The following ITPR2 variants were observed in gnomAD, a reference collection of about 807,000 sequenced individuals.
ITPR2 encodes the protein inositol 1,4,5-trisphosphate receptor type 2.
ITPR2 carries 207 observed loss-of-function variants against 317.1 expected under a neutral mutation model. That is an observed-to-expected ratio of 0.65 (90% CI 0.58 to 0.73). The LOEUF (loss-of-function observed/expected upper bound fraction) is 0.73, where lower values mean the gene tolerates loss of function less well. Ranked by LOEUF, ITPR2 falls within the 30% of genes least tolerant of loss-of-function variation. The pLI, the probability that ITPR2 is intolerant of heterozygous loss-of-function variation, is 0.00. For missense variants in ITPR2, 2,613 were observed against 3,284.0 expected (o/e 0.80, Z 4.99); for synonymous variants, 1,156 against 1,149.1 (o/e 1.01, Z -0.12).
At chr12:26,448,033 C>G (rs1303415183) in intron 45 of ITPR2, among the ~76,000 whole-genome samples, 3 of 147,952 alleles carry the variant, frequency 2.0e-5, no homozygotes, top group African/African-American at 7.5e-5. Context: ...TCCAAAGCAG[C>G]AATCACACCA....
At chr12:26,608,524 C>G (rs1946190522) in intron 26 of ITPR2, among the ~76,000 whole-genome samples, 1 of 151,504 alleles carries the variant, frequency 6.6e-6, no homozygotes, top group South Asian at 2.1e-4. Context: ...CTCTGCTTGG[C>G]CGCCCCACTC....
intron 22 of ITPR2, among the ~76,000 whole-genome samples, chr12:26,630,043 A>C (rs961781462): frequency 1.3e-5 from 2 of 152,218 alleles, no homozygotes; most frequent in African/African-American, 4.8e-5. Flanking sequence ...TTTGCAGGGC[A>C]GGAGACAGCT....
intron 2 of ITPR2, among the ~76,000 whole-genome samples, chr12:26,728,727 T>C (rs547281292): frequency 6.6e-6 from 1 of 152,326 alleles, no homozygotes; most frequent in African/African-American, 2.4e-5. Flanking sequence ...CTGCCACACC[T>C]AATTCACAGG....
chr12:26,549,465 C>CCTT (rs1431467217), intron 37 of ITPR2, among the ~76,000 whole-genome samples: 1 of 152,006 alleles, frequency 6.6e-6, no homozygotes, highest in African/African-American at 2.4e-5. Flanking sequence ...TACATAAAAT[C>CCTT]CTTCCAGTTT....
In ITPR2 at chr12:26,494,077, T is replaced by G. The variant is rs561134112; in HGVS notation, c.5370+76A>C. 2.4e-5 allele frequency: 28 copies of G among 1,184,214 alleles called. No individual in the cohort carries two copies. In the South Asian group the frequency reaches 4.7e-4, roughly 20 times the overall value. 73.4% of individuals were successfully genotyped at this position (1,184,214 alleles called of 1,614,324 possible). A position where few individuals can be genotyped will look rare whatever the true frequency, so the allele number is the denominator to read the frequency against. On this transcript the variant is annotated intron_variant, in intron 39 of 56. Coordinates refer to ENST00000381340, the MANE Select transcript of ITPR2 (RefSeq NM_002223.4). The stretch of plus-strand genomic sequence containing the variant: ...ATAAGAGCTAAAAGAAACACATTAC[T>G]TTTCCTTGGTTTCTGTGACAAGTAA...
intron 50 of ITPR2, among the ~76,000 whole-genome samples, chr12:26,416,693 G>A (rs1940731447): frequency 6.6e-6 from 1 of 152,186 alleles, no homozygotes; most frequent in Non-Finnish European, 1.5e-5. Context: ...CCTCCTGGAA[G>A]GAGCAGCCAG....
In ITPR2 at chr12:26,483,692, G is replaced by C. The variant is rs758315414; in HGVS notation, c.6012+6C>G. 1 of 1,608,342 alleles carries C rather than the reference G, an allele frequency of 6.2e-7. No homozygotes were observed. Among genetic ancestry groups the C allele is most frequent in the East Asian group, 2.2e-5 (1 of 44,874 alleles). On this transcript the variant is annotated splice_donor_region_variant and intron_variant, in intron 42 of 56. Transcript: ENST00000381340. ...TTACTAATTAGTCATGGATACTTCTGGTTACCTGATTTTCATGGCAAGGGC... is the reference window on the plus strand; with the variant it reads ...TTACTAATTAGTCATGGATACTTCTCGTTACCTGATTTTCATGGCAAGGGC...
chr12:26,387,956 C>T (rs995966945), intron 54 of ITPR2, among the ~76,000 whole-genome samples: 1 of 151,760 alleles, frequency 6.6e-6, no homozygotes, highest in African/African-American at 2.4e-5. Flanking sequence ...AAAAGGTATG[C>T]TTGCTAATCA....
At chr12:26,701,193 T>G (rs1258591836) in intron 9 of ITPR2, among the ~76,000 whole-genome samples, 2 of 152,196 alleles carry the variant, frequency 1.3e-5, no homozygotes, top group Admixed American at 1.3e-4. Flanking sequence ...AAGTCATGCT[T>G]GTACCGCAAT....
chr12:26,349,331 G>A (rs549192949), intron 55 of ITPR2, among the ~76,000 whole-genome samples: 39 of 152,308 alleles, frequency 2.6e-4, no homozygotes, highest in Non-Finnish European at 4.7e-4. Context: ...CCTTCTTTCT[G>A]TGTCTCCCTG....
At chr12:26,585,153 A>T (rs1376854834) in intron 32 of ITPR2, among the ~76,000 whole-genome samples, 1 of 152,198 alleles carries the variant, frequency 6.6e-6, no homozygotes, top group East Asian at 1.9e-4. Flanking sequence ...TATAATTCAG[A>T]TAAGACTATG....
At chr12:26,585,749 G>A (rs1945510550) in intron 32 of ITPR2, among the ~76,000 whole-genome samples, 1 of 152,014 alleles carries the variant, frequency 6.6e-6, no homozygotes. Flanking sequence ...ATTTTTGGAG[G>A]GTAAATTACT....
intron 50 of ITPR2, among the ~76,000 whole-genome samples, 157 bp downstream of exon 50, chr12:26,418,892 A>G (rs762972862): frequency 3.0e-4 from 45 of 152,174 alleles, no homozygotes; most frequent in Non-Finnish European, 1.6e-4. Flanking sequence ...ATTACAAATG[A>G]TAATAATTCA....
At position 26,338,112 on chromosome 12, in the gene ITPR2, T is replaced by C. The variant is rs1565477236; in HGVS notation, c.*1285A>G. The C allele has an allele frequency of 6.6e-6, 1 of 152,178 alleles. No homozygotes were observed. The highest frequency in any genetic ancestry group is 1.5e-5 in the Non-Finnish European group (1 of 68,042). The allele number at this position is 152,178 out of a possible 1,614,324, so 9.4% of individuals were successfully genotyped here. A position where few individuals can be genotyped will look rare whatever the true frequency, so the allele number is the denominator to read the frequency against. On this transcript the variant is annotated 3_prime_UTR_variant, in exon 57 of 57. Coordinates refer to ENST00000381340, the MANE Select transcript of ITPR2 (RefSeq NM_002223.4). The stretch of plus-strand genomic sequence containing the variant: ...TTGCAGAGTATCTCCCAGAGTCTGG[T>C]ATCAAGTGTCTTCACTCCCTGTCAC...
chr12:26,740,745 T>A (rs1046911877), intron 2 of ITPR2, among the ~76,000 whole-genome samples: 1 of 152,242 alleles, frequency 6.6e-6, no homozygotes, highest in Non-Finnish European at 1.5e-5. Flanking sequence ...TAGACAAAAC[T>A]TTTTTGTCTT....
chr12:26,574,934 C>A (rs998241699), intron 34 of ITPR2, among the ~76,000 whole-genome samples: 2 of 151,868 alleles, frequency 1.3e-5, no homozygotes, highest in Non-Finnish European at 2.9e-5. Flanking sequence ...GATCCAGCCA[C>A]CTCCCACCAG....
intron 26 of ITPR2, among the ~76,000 whole-genome samples, chr12:26,611,166 G>A (rs1173079608): frequency 6.6e-6 from 1 of 152,198 alleles, no homozygotes; most frequent in African/African-American, 2.4e-5. Context: ...TCTCTGCTGA[G>A]GGGAAGAAGC....
intron 32 of ITPR2, among the ~76,000 whole-genome samples, chr12:26,585,009 C>G (rs1945489297): frequency 6.6e-6 from 1 of 152,176 alleles, no homozygotes; most frequent in African/African-American, 2.4e-5. Flanking sequence ...CTCATACACT[C>G]AACTGGCTTT....
intron 1 of ITPR2, among the ~76,000 whole-genome samples, chr12:26,817,306 A>G (rs1004570776): frequency 6.6e-6 from 1 of 152,204 alleles, no homozygotes; most frequent in African/African-American, 2.4e-5. Context: ...GGGTGTAATG[A>G]CATGTTATTC....
Sources: allele counts gnomAD v4.1 joint callset (sites outside exome capture counted in the v4.1 genomes callset), GRCh38; gene constraint gnomAD v4.1.1; transcripts MANE v1.5; gene names NCBI Gene and HGNC (gene_info 2026-07-23, HGNC 2026-07-21).